Variants in ALG14 observed in about 807,000 individuals in gnomAD.
ALG14 encodes ALG14 UDP-N-acetylglucosaminyltransferase subunit, also known as UDP-N-acetylglucosamine transferase subunit ALG14.
In ALG14, 17 loss-of-function variants were observed where a neutral mutation model predicts 22.8. The ratio of observed to expected loss-of-function variants is 0.75; its 90% confidence interval spans 0.51 to 1.12. ALG14 has a LOEUF of 1.12. Ranked by LOEUF, ALG14 falls within the 50% of genes most tolerant of loss-of-function variation. The pLI, the probability that ALG14 is intolerant of heterozygous loss-of-function variation, is 0.00. For missense variants in ALG14, 288 were observed against 271.8 expected (o/e 1.06, Z -0.42); for synonymous variants, 89 against 103.7 (o/e 0.86, Z 0.86).
intron 3 of ALG14, among the ~76,000 whole-genome samples, chr1:95,018,733 T>C (rs939934315): frequency 6.6e-6 from 1 of 152,078 alleles, no homozygotes; most frequent in African/African-American, 2.4e-5. Flanking sequence ...TGTTCTTTAA[T>C]AGAAGTGACC....
intron 2 of ALG14, among the ~76,000 whole-genome samples, chr1:95,039,037 G>A (rs918931922): frequency 6.6e-6 from 1 of 152,148 alleles, no homozygotes; most frequent in East Asian, 1.9e-4. Context: ...ATTATTCTTT[G>A]ATAAGGTAAA....
chr1:95,021,887 T>C (rs1673674426), intron 3 of ALG14, among the ~76,000 whole-genome samples: 1 of 152,220 alleles, frequency 6.6e-6, no homozygotes, highest in Admixed American at 6.5e-5. Flanking sequence ...TCAACTTTCA[T>C]TTTTGTTTTA....
At chr1:95,058,096 G>A (rs1340049172) in intron 2 of ALG14, among the ~76,000 whole-genome samples, 1 of 151,018 alleles carries the variant, frequency 6.6e-6, no homozygotes, top group African/African-American at 2.4e-5. Flanking sequence ...GACCATCCTG[G>A]CCAACATGGT....
intron 3 of ALG14, among the ~76,000 whole-genome samples, chr1:95,023,276 A>C (rs1673717908): frequency 6.6e-6 from 1 of 152,100 alleles, no homozygotes; most frequent in Non-Finnish European, 1.5e-5. Context: ...GGCACCCACC[A>C]TCATGCTTGG....
chr1:95,063,145 GT>G (rs1055989702), intron 2 of ALG14, among the ~76,000 whole-genome samples: 5 of 151,732 alleles, frequency 3.3e-5, no homozygotes, highest in Admixed American at 2.6e-4. Flanking sequence ...TTTAATAACA[GT>G]TTTTTTCTTG....
intron 2 of ALG14, among the ~76,000 whole-genome samples, chr1:95,054,464 T>C (rs191806680): frequency 1.5e-5 from 2 of 130,034 alleles, no homozygotes; most frequent in South Asian, 2.5e-4. Context: ...GCTATGCTTC[T>C]TGTATAGCTT....
chr1:95,047,680 A>T (rs1382351590), intron 2 of ALG14, among the ~76,000 whole-genome samples: 1 of 152,094 alleles, frequency 6.6e-6, no homozygotes, highest in Non-Finnish European at 1.5e-5. Flanking sequence ...CCAAAGTTTT[A>T]AAATTAAGAA....
chr1:95,013,470 C>A (rs1438697957), intron 3 of ALG14, among the ~76,000 whole-genome samples: 2 of 152,040 alleles, frequency 1.3e-5, no homozygotes, highest in East Asian at 1.9e-4. Flanking sequence ...CAGGTGCCAA[C>A]CACCACGCCC....
intron 1 of ALG14, 138 bp downstream of exon 1, chr1:95,072,625 C>A: frequency 7.6e-7 from 1 of 1,308,364 alleles, no homozygotes. Context: ...CTGCCCGGTT[C>A]CGGCAAGGCA....
chr1:95,066,543 G>A (rs1675375214), intron 1 of ALG14, among the ~76,000 whole-genome samples: 1 of 151,958 alleles, frequency 6.6e-6, no homozygotes, highest in Admixed American at 6.6e-5. Flanking sequence ...TTTAATAGTA[G>A]AAAGGAAAGG....
At chr1:95,063,547 C>A (rs1675243957) in intron 2 of ALG14, among the ~76,000 whole-genome samples, 1 of 152,132 alleles carries the variant, frequency 6.6e-6, no homozygotes. Context: ...ATAGAAAATT[C>A]TTTCCCCATT....
At chr1:95,069,389 T>C (rs551161635) in intron 1 of ALG14, among the ~76,000 whole-genome samples, 2 of 152,228 alleles carry the variant, frequency 1.3e-5, no homozygotes, top group South Asian at 4.2e-4. Context: ...TAAATGCTTA[T>C]GTAAAAAGAA....
chr1:95,020,172 A>G (rs958861035), intron 3 of ALG14, among the ~76,000 whole-genome samples: 3 of 151,948 alleles, frequency 2.0e-5, no homozygotes, highest in Non-Finnish European at 2.9e-5. Context: ...AGCCGAGATC[A>G]TATCACTGCA....
At chr1:95,064,744 A>C in intron 2 of ALG14, 122 bp downstream of exon 2, 1 of 761,390 alleles carries the variant, frequency 1.3e-6, no homozygotes, top group Non-Finnish European at 2.0e-6. Flanking sequence ...GTATTTCATC[A>C]CCAGCAAACA....
chr1:95,039,016 C>T (rs9661031), intron 2 of ALG14, among the ~76,000 whole-genome samples: 98,873 of 152,102 alleles, frequency 0.65, 33,411 homozygotes, highest in African/African-American at 0.83. Flanking sequence ...GCCACCACGC[C>T]CAGCCAATAC....
chr1:95,003,618 T>A (rs1202478929), intron 3 of ALG14, among the ~76,000 whole-genome samples: 1 of 151,888 alleles, frequency 6.6e-6, no homozygotes, highest in Non-Finnish European at 1.5e-5. Context: ...CTGGCTAATT[T>A]TTTAAAAATT....
chr1:95,054,696 A>G (rs562644022), intron 2 of ALG14, among the ~76,000 whole-genome samples: 2 of 152,368 alleles, frequency 1.3e-5, no homozygotes, highest in South Asian at 4.1e-4. Context: ...TACAAAAAGA[A>G]CACATCAGGC....
rs111250382 is a variant in ALG14 at position 95,020,228 on chromosome 1, A to AT, written c.420+6900dup. Among the ~76,000 whole-genome samples, 484 of 151,982 alleles carry AT rather than the reference A, an allele frequency of 3.2e-3. 1 individual carries two copies. Among genetic ancestry groups the AT allele is most frequent in the African/African-American group, 0.011 (467 of 41,476 alleles). On this transcript the variant is annotated intron_variant, in intron 3 of 3. Transcript: ENST00000370205. ...TGAGACTGAGTCTCAAAAAAAAAAG[A>AT]TAAAAAATTATACAAGGAGAAAAAT...
chr1:94,996,719 T>TAAAAAAA (rs1364711520), intron 3 of ALG14, among the ~76,000 whole-genome samples: 1 of 152,186 alleles, frequency 6.6e-6, no homozygotes, highest in Non-Finnish European at 1.5e-5. Flanking sequence ...TTTACTCTTG[T>TAAAAAAA]CACCCAGGCT....
Sources: allele counts gnomAD v4.1 joint callset (sites outside exome capture counted in the v4.1 genomes callset), GRCh38; gene constraint gnomAD v4.1.1; transcripts MANE v1.5; gene names NCBI Gene and HGNC (gene_info 2026-07-23, HGNC 2026-07-21).